CFAP20DC: variants seen among roughly 807,000 people sequenced by gnomAD.
CFAP20DC encodes CFAP20 domain containing, also known as protein CFAP20DC.
A neutral mutation model predicts 101.7 loss-of-function variants in CFAP20DC; 84 were observed. The observed-to-expected ratio is 0.83, with a 90% confidence interval of 0.69 to 0.99. CFAP20DC has a LOEUF of 0.99. CFAP20DC is among the 50% of genes least tolerant of loss of function. The pLI is 0.00. For synonymous variants in CFAP20DC, 359 were observed against 351.2 expected (o/e 1.02, Z -0.25); for missense variants, 1,007 against 970.3 (o/e 1.04, Z -0.50).
At chr3:58,961,797 G>A (rs1466950616) in intron 4 of CFAP20DC, among the ~76,000 whole-genome samples, 1 of 151,240 alleles carries the variant, frequency 6.6e-6, no homozygotes. Context: ...CAACCAAATT[G>A]TCTATGGAGT....
chr3:58,872,869 G>A (rs1188502691), intron 7 of CFAP20DC, among the ~76,000 whole-genome samples: 2 of 151,698 alleles, frequency 1.3e-5, no homozygotes, highest in Non-Finnish European at 2.9e-5. Context: ...AGTCTGGATA[G>A]CTATGCTGGA....
At chr3:58,726,340 A>G (rs1193574408) in intron 3 of CFAP20DC, 1 of 152,340 alleles carries the variant, frequency 6.6e-6, no homozygotes, top group Non-Finnish European at 1.5e-5. Flanking sequence ...ATACAATGAA[A>G]GTTTGTTTCT....
rs1699932687 is a variant in CFAP20DC, at chr3:59,047,175, A to C, written c.101T>G (p.Val34Gly). 2 of 1,532,334 alleles carry C rather than the reference A, an allele frequency of 1.3e-6. No homozygotes were observed. Among genetic ancestry groups the C allele is most frequent in the Middle Eastern group, 3.3e-4 (2 of 5,978 alleles). 94.9% of individuals were successfully genotyped at this position (1,532,334 alleles called of 1,614,324 possible). Residue 34 changes from valine to glycine, a missense_variant, in exon 2 of 17, where the codon GTG becomes GGG. Transcript: ENST00000482387. ...AKWKILGSPSVIWKEFDKEVK... is the reference protein window; with the variant it reads ...AKWKILGSPSGIWKEFDKEVK... ...ATTTCTAATACTTACTTTCCAAATC[A>C]CAGATGGACTACCAAGGATCTTCCA...
intron 12 of CFAP20DC, among the ~76,000 whole-genome samples, chr3:58,855,075 G>T (rs1362783531): frequency 1.3e-5 from 2 of 148,794 alleles, no homozygotes; most frequent in African/African-American, 2.5e-5. Context: ...GAAAATTTTC[G>T]CAACCTACTC....
At chr3:58,992,864 T>C (rs1483789980) in intron 4 of CFAP20DC, among the ~76,000 whole-genome samples, 1 of 152,094 alleles carries the variant, frequency 6.6e-6, no homozygotes, top group Non-Finnish European at 1.5e-5. Flanking sequence ...GGAAAGCTTA[T>C]TTTAAAATAA....
At chr3:58,820,422 GC>G (rs1356869002) in intron 14 of CFAP20DC, among the ~76,000 whole-genome samples, 1 of 150,316 alleles carries the variant, frequency 6.7e-6, no homozygotes, top group Non-Finnish European at 1.5e-5. Flanking sequence ...ATCTCCTTAA[GC>G]TGATAAGCAA....
intron 5 of CFAP20DC, among the ~76,000 whole-genome samples, chr3:58,925,419 T>C (rs2085846665): frequency 6.6e-6 from 1 of 152,214 alleles, no homozygotes; most frequent in African/African-American, 2.4e-5. Flanking sequence ...TTTTCTGCCA[T>C]ATTATAATCT....
chr3:58,760,252 C>T (rs887481317), intron 15 of CFAP20DC, among the ~76,000 whole-genome samples: 4 of 152,160 alleles, frequency 2.6e-5, no homozygotes, highest in African/African-American at 7.2e-5. Context: ...TCCTTCACAT[C>T]CCTTGTAAGT....
chr3:58,758,171 T>C (rs575522495), intron 15 of CFAP20DC, among the ~76,000 whole-genome samples: 152 of 152,294 alleles, frequency 1.0e-3, no homozygotes, highest in African/African-American at 3.4e-3. Context: ...TTATTTTACT[T>C]TATGTATGTT....
intron 14 of CFAP20DC, among the ~76,000 whole-genome samples, chr3:58,812,562 G>C (rs2074746058): frequency 6.6e-6 from 1 of 151,724 alleles, no homozygotes; most frequent in East Asian, 1.9e-4. Flanking sequence ...TTGTGGGGTG[G>C]GGGGAGCGGG....
At chr3:59,008,893 A>T (rs1038296959) in intron 4 of CFAP20DC, among the ~76,000 whole-genome samples, 9 of 152,190 alleles carry the variant, frequency 5.9e-5, no homozygotes, top group African/African-American at 2.2e-4. Context: ...GTGAGAAAAC[A>T]GTAAACAAAT....
chr3:58,988,948 A>G (rs889778037), intron 4 of CFAP20DC, among the ~76,000 whole-genome samples: 1 of 152,152 alleles, frequency 6.6e-6, no homozygotes. Context: ...CATTTCTAAA[A>G]TATTTACATT....
chr3:58,863,466 T>C lies in CFAP20DC; in HGVS notation c.1593+92A>G, dbSNP rs1327958672. On this transcript the variant is annotated intron_variant, in intron 12 of 16. Transcript: ENST00000482387. The surrounding 1 kb of genome is among the most constrained non-coding windows in gnomAD (Gnocchi z 5.9). ...TTGCATTTTTATAAATAGCAGTTGA[T>C]TTTCCCTCTTTCATTTCAACTTGTT... 6.5e-7 allele frequency: 1 copy of C among 1,528,512 alleles called. No homozygotes were observed. Among genetic ancestry groups the C allele is most frequent in the Admixed American group, 2.0e-5 (1 of 49,164 alleles). 94.7% of individuals were successfully genotyped at this position (1,528,512 alleles called of 1,614,324 possible). A position where few individuals can be genotyped will look rare whatever the true frequency, so the allele number is the denominator to read the frequency against.
At chr3:58,940,218 C>T (rs1193875453) in intron 4 of CFAP20DC, among the ~76,000 whole-genome samples, 9 of 152,286 alleles carry the variant, frequency 5.9e-5, no homozygotes, top group Non-Finnish European at 1.0e-4. Flanking sequence ...GCTGGGAGTA[C>T]GTCAGGGAGA....
intron 15 of CFAP20DC, among the ~76,000 whole-genome samples, chr3:58,784,887 TAAA>T (rs1359016698): frequency 1.3e-5 from 2 of 152,050 alleles, no homozygotes; most frequent in Admixed American, 6.6e-5. Context: ...CTCAAAAAGC[TAAA>T]AACAGAACTA....
Position 58,978,581 on chromosome 3 carries a change from C to T in CFAP20DC, c.279-40819G>A, listed in dbSNP as rs145410402. On this transcript the variant is annotated intron_variant, in intron 4 of 16. Coordinates refer to ENST00000482387, the MANE Select transcript of CFAP20DC (RefSeq NM_001394063.1). ...AAAATTAGCCAGGCTTGGTGGTACA[C>T]GTCTGTAATCCCAGCTGCTCTGGAG... 5.3e-4 allele frequency among the ~76,000 whole-genome samples: 81 copies of T among 151,922 alleles called. 1 individual carries two copies. The highest frequency in any genetic ancestry group is 1.9e-3 in the African/African-American group (78 of 41,438).
intron 4 of CFAP20DC, among the ~76,000 whole-genome samples, chr3:58,962,590 G>C (rs1324212990): frequency 6.6e-6 from 1 of 152,112 alleles, no homozygotes; most frequent in African/African-American, 2.4e-5. Context: ...TTGCTTGGTG[G>C]TCACCAACAA....
intron 4 of CFAP20DC, among the ~76,000 whole-genome samples, chr3:58,963,187 AGTTTGTGTGTGTGTGTGTGT>A (rs1348872459): frequency 5.7e-5 from 3 of 53,002 alleles, no homozygotes; most frequent in African/African-American, 1.6e-4. Flanking sequence ...AAGGTTCAGT[AGTTTGTGTGTGTGTGTGTGT>A]GTGTGTGTGT....
chr3:58,880,000 A>G (rs1212238329), intron 7 of CFAP20DC, among the ~76,000 whole-genome samples: 1 of 151,878 alleles, frequency 6.6e-6, no homozygotes, highest in African/African-American at 2.4e-5. Context: ...AAACAGAAAA[A>G]TATATTTTAA....
Sources: gnomAD v4.1 joint callset for allele counts (sites outside exome capture counted in the v4.1 genomes callset) on GRCh38, gnomAD v4.1.1 for gene constraint, Gnocchi (gnomAD v3.1) non-coding constraint, MANE v1.5 for transcripts, NCBI Gene and HGNC (gene_info 2026-07-23, HGNC 2026-07-21) for gene names.